IMPG1: variants seen among roughly 807,000 people sequenced by gnomAD.
IMPG1 encodes interphotoreceptor matrix proteoglycan 1, also known as interphotoreceptor matrix proteoglycan of 150 kDa.
In IMPG1, 85 loss-of-function variants were observed where a neutral mutation model predicts 92.0. The ratio of observed to expected loss-of-function variants is 0.92; its 90% confidence interval spans 0.78 to 1.11. The LOEUF (loss-of-function observed/expected upper bound fraction) is 1.11, where lower values mean the gene tolerates loss of function less well. IMPG1 is among the 50% of genes least tolerant of loss of function. IMPG1 has a pLI of 0.00. For synonymous variants in IMPG1, 367 were observed against 334.1 expected (o/e 1.10, Z -1.08); for missense variants, 1,022 against 956.0 (o/e 1.07, Z -0.91).
Position 76,005,301 on chromosome 6 carries a change from A to G in IMPG1, c.1121T>C (p.Ile374Thr). 3.7e-6 allele frequency: 6 copies of G among 1,614,006 alleles called. No homozygotes were observed. Among genetic ancestry groups the G allele is most frequent in the Non-Finnish European group, 4.2e-6 (5 of 1,179,930 alleles). The change falls in exon 10 of 17, where the codon ATT (isoleucine) becomes ACT (threonine). Residue 374 changes from isoleucine (I) to threonine (T), a missense_variant. Physicochemically the swap from Ile to Thr is moderately conservative, Grantham distance 89. Coordinates refer to ENST00000369950, the MANE Select transcript of IMPG1 (RefSeq NM_001563.4). ...CATTAACTGACCATCAGTGAACTGAATTGTCCCCACATCCAAAGATTGTTC... is the reference window on the plus strand; with the variant it reads ...CATTAACTGACCATCAGTGAACTGAGTTGTCCCCACATCCAAAGATTGTTC... ...EEEQSLDVGT[I>T]QFTDEIAGSL...
intron 12 of IMPG1, among the ~76,000 whole-genome samples, chr6:76,000,230 T>C (rs190914212): frequency 4.4e-4 from 67 of 152,374 alleles, no homozygotes; most frequent in Admixed American, 3.6e-3. Flanking sequence ...ATTTTGTATA[T>C]GATTTTTCCT....
At chr6:75,976,312 C>T (rs906599670) in intron 12 of IMPG1, among the ~76,000 whole-genome samples, 1 of 152,166 alleles carries the variant, frequency 6.6e-6, no homozygotes, top group East Asian at 1.9e-4. Flanking sequence ...CACCTGTAAT[C>T]CCAGCACTTT....
At chr6:76,042,796 A>G (rs1165178249) in intron 1 of IMPG1, among the ~76,000 whole-genome samples, 3 of 152,188 alleles carry the variant, frequency 2.0e-5, no homozygotes, top group Non-Finnish European at 4.4e-5. Context: ...CTTCTAAGCC[A>G]TTTCATCCTG....
intron 13 of IMPG1, among the ~76,000 whole-genome samples, chr6:75,950,037 C>T (rs1781997785): frequency 6.6e-6 from 1 of 152,020 alleles, no homozygotes; most frequent in Non-Finnish European, 1.5e-5. Flanking sequence ...AGATATATGT[C>T]ATAATAATTA....
intron 7 of IMPG1, among the ~76,000 whole-genome samples, chr6:76,017,038 T>A (rs969155148): frequency 6.6e-6 from 1 of 152,082 alleles, no homozygotes; most frequent in African/African-American, 2.4e-5. Flanking sequence ...ACTTTCCATG[T>A]TGAAGTATGT....
intron 12 of IMPG1, among the ~76,000 whole-genome samples, chr6:75,981,569 T>C (rs549144259): frequency 6.6e-6 from 1 of 152,344 alleles, no homozygotes; most frequent in Admixed American, 6.5e-5. Flanking sequence ...TAGATGTTAA[T>C]GGAATATAAA....
intron 12 of IMPG1, among the ~76,000 whole-genome samples, chr6:75,963,221 C>T (rs537609168): frequency 6.6e-6 from 1 of 152,202 alleles, no homozygotes; most frequent in South Asian, 2.1e-4. Context: ...AAACTTAACT[C>T]TTTACCTACA....
chr6:76,007,369 G>A, intron 9 of IMPG1, 111 bp downstream of exon 9: 2 of 739,908 alleles, frequency 2.7e-6, no homozygotes, highest in South Asian at 1.9e-5. Flanking sequence ...CCATCAAAAA[G>A]TAATGGGCTT....
rs1197540168 is a variant in IMPG1 at position 76,071,174 on chromosome 6, TA to T, written c.67+1247del. On this transcript the variant is annotated intron_variant, in intron 1 of 16. Coordinates refer to ENST00000369950, the MANE Select transcript of IMPG1 (RefSeq NM_001563.4). ...TTATATGACATATAATTGTTATATA[TA>T]AAAATTATATATAATTATATATTTG... 6.1e-5 allele frequency among the ~76,000 whole-genome samples: 9 copies of T among 148,114 alleles called. No individual in the cohort carries two copies. The East Asian group carries it at 1.6e-3, about 26-fold the overall frequency.
Position 75,938,810 on chromosome 6 carries a change from T to TCAAAACAAAACAAAACAAAA in IMPG1, c.2045-7679_2045-7660dup, listed in dbSNP as rs71002780. Among the ~76,000 whole-genome samples the TCAAAACAAAACAAAACAAAA allele has an allele frequency of 7.7e-4, 113 of 147,098 alleles. 1 individual carries two copies. The highest frequency in any genetic ancestry group is 2.5e-3 in the African/African-American group (97 of 39,150). ...CCTGGACGACAAGCCAGGCTCCATC[T>TCAAAACAAAACAAAACAAAA]CAAAACAAAACAAAACAAAACAAAA... On this transcript the variant is annotated intron_variant, in intron 14 of 16. Transcript: ENST00000369950.
In IMPG1 at chr6:76,034,647, G is replaced by C; in HGVS notation, c.442C>G (p.Gln148Glu). The change falls in exon 3 of 17, where the codon CAG becomes GAG. Residue 148 changes from glutamine to glutamate, a missense_variant. Around this residue, in one of 3 missense-constraint regions of IMPG1, gnomAD observed 681 missense variants for 583.6 expected, o/e 1.17. Coordinates refer to ENST00000369950, the MANE Select transcript of IMPG1 (RefSeq NM_001563.4). ...FDIGKNFSNSQEHLDLLQQRI... is the reference protein window; with the variant it reads ...FDIGKNFSNSEEHLDLLQQRI... Reference sequence around the variant, plus strand: ...TGCTGGAGAAGATCCAGGTGCTCCTGGGAATTGCTGAAGTTTTTTCCAATG... The same window carrying C: ...TGCTGGAGAAGATCCAGGTGCTCCTCGGAATTGCTGAAGTTTTTTCCAATG... 1 of 1,614,148 alleles carries C rather than the reference G, an allele frequency of 6.2e-7. No individual in the cohort carries two copies. The highest frequency in any genetic ancestry group is 2.2e-5 in the East Asian group (1 of 44,880).
chr6:76,003,816 T>C lies in IMPG1; in HGVS notation c.1212+58A>G, dbSNP rs577608817. 203 of 1,236,176 alleles carry C rather than the reference T, an allele frequency of 1.6e-4. 2 individuals carry two copies. The South Asian group carries it at 2.4e-3, about 15-fold the overall frequency. 76.6% of individuals were successfully genotyped at this position (1,236,176 alleles called of 1,614,324 possible). On this transcript the variant is annotated intron_variant, in intron 11 of 16. Transcript: ENST00000369950. ...TCATTTCTTAAGCTGATTTGTTCTT[T>C]GGTGGAAGGTTTTGAGACTTTGTTC... is the stretch of plus-strand genomic sequence containing the variant.
intron 5 of IMPG1, among the ~76,000 whole-genome samples, chr6:76,023,349 T>A (rs574080698): frequency 9.8e-5 from 15 of 152,324 alleles, no homozygotes; most frequent in African/African-American, 3.6e-4. Context: ...CTATGAATAA[T>A]CGGTTTATGC....
Position 76,072,581 on chromosome 6 carries a change from ATT to A in IMPG1, c.-95_-94del. The A allele has an allele frequency of 5.6e-6, 4 of 713,874 alleles. No individual in the cohort carries two copies. Among genetic ancestry groups the A allele is most frequent in the Non-Finnish European group, 7.0e-6 (3 of 425,896 alleles). 44.2% of individuals were successfully genotyped at this position (713,874 alleles called of 1,614,324 possible). On this transcript the variant is annotated 5_prime_UTR_variant, in exon 1 of 17. Transcript: ENST00000369950. ...ACAGAAATGTGAAAAATAATTATAT[ATT>A]GATACCAGATGATTGAGGATAACCT...
intron 12 of IMPG1, among the ~76,000 whole-genome samples, chr6:75,984,785 T>C (rs566677245): frequency 3.0e-4 from 45 of 152,286 alleles, no homozygotes; most frequent in African/African-American, 1.0e-3. Flanking sequence ...TTGGCTAGGA[T>C]TGAGTTCTTG....
chr6:76,072,286 T>G (rs906907102), intron 1 of IMPG1, 136 bp downstream of exon 1: 17 of 504,804 alleles, frequency 3.4e-5, no homozygotes, highest in Non-Finnish European at 5.6e-5. Flanking sequence ...ATTCAATCAA[T>G]CAAGCAATAT....
Position 75,921,307 on chromosome 6 carries a change from T to C in IMPG1, c.*782A>G, listed in dbSNP as rs1781424179. On this transcript the variant is annotated 3_prime_UTR_variant, in exon 17 of 17. Coordinates refer to ENST00000369950, the MANE Select transcript of IMPG1 (RefSeq NM_001563.4). ...GTGTGAGGAAATATTCTGAAGTTATTATAGGAAGACATTGTTCATCTGTGG... is the reference window on the plus strand; with the variant it reads ...GTGTGAGGAAATATTCTGAAGTTATCATAGGAAGACATTGTTCATCTGTGG... The C allele has an allele frequency of 6.6e-6, 1 of 152,210 alleles. No homozygotes were observed. The highest frequency in any genetic ancestry group is 2.1e-4 in the South Asian group (1 of 4,828). 9.4% of individuals were successfully genotyped at this position (152,210 alleles called of 1,614,324 possible). A position where few individuals can be genotyped will look rare whatever the true frequency, so the allele number is the denominator to read the frequency against.
chr6:76,015,613 C>T (rs1338950557), intron 7 of IMPG1, among the ~76,000 whole-genome samples: 1 of 151,730 alleles, frequency 6.6e-6, no homozygotes, highest in South Asian at 2.1e-4. Flanking sequence ...CCAGCTTGAT[C>T]AACACGGTGA....
chr6:76,042,809 G>A (rs1050134022), intron 1 of IMPG1, among the ~76,000 whole-genome samples: 35 of 152,126 alleles, frequency 2.3e-4, no homozygotes, highest in Non-Finnish European at 4.0e-4. Flanking sequence ...TCATCCTGCT[G>A]GCATGGCTGG....
Sources: gnomAD v4.1 joint callset for allele counts (sites outside exome capture counted in the v4.1 genomes callset) on GRCh38, gnomAD v4.1.1 for gene constraint, gnomAD v4.1.1 regional missense constraint, MANE v1.5 for transcripts, NCBI Gene and HGNC (gene_info 2026-07-23, HGNC 2026-07-21) for gene names.